CAMK4: variants seen among roughly 807,000 people sequenced by gnomAD.
CAMK4 encodes the protein calcium/calmodulin-dependent protein kinase type IV.
In CAMK4, 22 loss-of-function variants were observed where a neutral mutation model predicts 44.9. The observed-to-expected ratio is 0.49, with a 90% CI of 0.35 to 0.70. The LOEUF (loss-of-function observed/expected upper bound fraction) is 0.70. Ranked by LOEUF, CAMK4 falls within the 30% of genes least tolerant of loss-of-function variation. CAMK4 has a pLI of 0.01. For missense variants in CAMK4, 498 were observed against 586.8 expected (o/e 0.85, Z 1.56); for synonymous variants, 218 against 215.4 (o/e 1.01, Z -0.11).
chr5:111,380,246 A>G (rs1751362954), intron 4 of CAMK4, among the ~76,000 whole-genome samples: 1 of 152,130 alleles, frequency 6.6e-6, no homozygotes, highest in South Asian at 2.1e-4. Context: ...TTTTTGTCAG[A>G]TAACTCCAGT....
chr5:111,494,447 T>A lies in CAMK4; in HGVS notation c.*9981T>A, dbSNP rs1433653962. 1 of 152,134 alleles carries A rather than the reference T, an allele frequency of 6.6e-6. No homozygotes were observed. Among genetic ancestry groups the A allele is most frequent in the Non-Finnish European group, 1.5e-5 (1 of 68,022 alleles). The allele number at this position is 152,134 out of a possible 1,614,324, so 9.4% of individuals were successfully genotyped here. ...ACAGAAAATGTTTGTAGAGAATTCA[T>A]CAAAATCATGCCCATTTGCTGTTGT... On this transcript the variant is annotated 3_prime_UTR_variant, in exon 11 of 11. Coordinates refer to ENST00000282356, the MANE Select transcript of CAMK4 (RefSeq NM_001744.6).
chr5:111,398,324 G>T (rs1027822026), intron 5 of CAMK4, among the ~76,000 whole-genome samples: 1 of 152,182 alleles, frequency 6.6e-6, no homozygotes, highest in Admixed American at 6.5e-5. Context: ...GCTGTGGATG[G>T]GGTGTGAATT....
At chr5:111,225,022 GA>G (rs1748118927) in intron 1 of CAMK4, among the ~76,000 whole-genome samples, 1 of 152,190 alleles carries the variant, frequency 6.6e-6, no homozygotes, top group South Asian at 2.1e-4. Flanking sequence ...GTGGGGGCCG[GA>G]GGGTGCCCCT....
intron 1 of CAMK4, among the ~76,000 whole-genome samples, chr5:111,334,501 C>T (rs1749311791): frequency 1.3e-5 from 2 of 151,360 alleles, no homozygotes; most frequent in South Asian, 4.2e-4. Context: ...TTTTTAGGTT[C>T]CTGCTCTTTA....
chr5:111,437,542 G>A (rs1312586807), intron 5 of CAMK4, among the ~76,000 whole-genome samples: 1 of 152,164 alleles, frequency 6.6e-6, no homozygotes, highest in Non-Finnish European at 1.5e-5. Context: ...CATACATGCT[G>A]TAAAGAAAAA....
chr5:111,435,891 G>T (rs1049286900), intron 5 of CAMK4, among the ~76,000 whole-genome samples: 10 of 152,084 alleles, frequency 6.6e-5, no homozygotes, highest in Non-Finnish European at 1.2e-4. Flanking sequence ...CTTCTCAGTT[G>T]CCTCACAACA....
At chr5:111,436,189 A>T (rs940835919) in intron 5 of CAMK4, among the ~76,000 whole-genome samples, 1 of 152,260 alleles carries the variant, frequency 6.6e-6, no homozygotes, top group Non-Finnish European at 1.5e-5. Context: ...AAAGTAATGT[A>T]GGCAAAATGA....
At position 111,390,468 on chromosome 5, in the gene CAMK4, T is replaced by C. The variant is rs182630549; in HGVS notation, c.387-4242T>C. ...CCAGCTACTTTGAGAACTTAAAACT[T>C]CTTGTCACAATATCTAAAGAAAACA... On this transcript the variant is annotated intron_variant, in intron 4 of 10. Coordinates refer to ENST00000282356, the MANE Select transcript of CAMK4 (RefSeq NM_001744.6). 1.8e-3 allele frequency among the ~76,000 whole-genome samples: 276 copies of C among 152,304 alleles called. 1 individual carries two copies. The highest frequency in any genetic ancestry group is 6.4e-3 in the African/African-American group (268 of 41,572).
intron 5 of CAMK4, among the ~76,000 whole-genome samples, chr5:111,423,846 A>G (rs889383192): frequency 6.6e-6 from 1 of 152,196 alleles, no homozygotes; most frequent in Non-Finnish European, 1.5e-5. Flanking sequence ...CTTATTAAGC[A>G]CCTACTGTGG....
intron 1 of CAMK4, among the ~76,000 whole-genome samples, chr5:111,334,585 C>G (rs560801183): frequency 9.3e-4 from 141 of 151,534 alleles, no homozygotes; most frequent in African/African-American, 3.2e-3. Context: ...ATTCATATAA[C>G]CTAAAAGTCA....
intron 5 of CAMK4, among the ~76,000 whole-genome samples, chr5:111,417,571 G>A (rs933136539): frequency 6.6e-6 from 1 of 151,956 alleles, no homozygotes; most frequent in Non-Finnish European, 1.5e-5. Context: ...GTTGCCCAGG[G>A]TGATCTCAAA....
intron 5 of CAMK4, among the ~76,000 whole-genome samples, chr5:111,422,540 G>A (rs769533509): frequency 3.3e-5 from 5 of 152,132 alleles, no homozygotes; most frequent in Admixed American, 3.3e-4. Flanking sequence ...GTCTCATTCT[G>A]TACAAACGTC....
intron 3 of CAMK4, among the ~76,000 whole-genome samples, chr5:111,376,086 A>G (rs1751202104): frequency 1.3e-5 from 2 of 152,046 alleles, no homozygotes; most frequent in Non-Finnish European, 2.9e-5. Context: ...TGAACAAATC[A>G]GAGTTCTGTT....
At chr5:111,317,194 A>G (rs1164315851) in intron 1 of CAMK4, among the ~76,000 whole-genome samples, 1 of 152,194 alleles carries the variant, frequency 6.6e-6, no homozygotes, top group Non-Finnish European at 1.5e-5. Context: ...CTTCCCAGAA[A>G]TTATAGGTCA....
At chr5:111,468,975 C>A (rs371891124) in intron 7 of CAMK4, among the ~76,000 whole-genome samples, 1 of 148,982 alleles carries the variant, frequency 6.7e-6, no homozygotes, top group African/African-American at 2.5e-5. Flanking sequence ...GAGATTCTGT[C>A]CCAACAACAA....
intron 1 of CAMK4, among the ~76,000 whole-genome samples, chr5:111,249,644 A>ATGTG (rs1206514541): frequency 8.9e-6 from 1 of 112,060 alleles, no homozygotes; most frequent in African/African-American, 2.7e-5. Context: ...ATATATATAT[A>ATGTG]TGTGTGTGTG....
At chr5:111,237,970 T>C (rs1201871439) in intron 1 of CAMK4, among the ~76,000 whole-genome samples, 1 of 152,240 alleles carries the variant, frequency 6.6e-6, no homozygotes, top group Non-Finnish European at 1.5e-5. Flanking sequence ...ACATTCCTGA[T>C]GTTTATGCAC....
chr5:111,284,299 T>G (rs1751144484), intron 1 of CAMK4, among the ~76,000 whole-genome samples: 2 of 152,254 alleles, frequency 1.3e-5, no homozygotes, highest in African/African-American at 4.8e-5. Context: ...CATTAATATA[T>G]TCAATCAAAA....
chr5:111,439,848 C>T (rs1291812001), intron 5 of CAMK4, among the ~76,000 whole-genome samples: 1 of 152,130 alleles, frequency 6.6e-6, no homozygotes, highest in Non-Finnish European at 1.5e-5. Context: ...CTGCTGATGC[C>T]AGGAACACTG....
Sources: gnomAD v4.1 joint callset for allele counts (sites outside exome capture counted in the v4.1 genomes callset) on GRCh38, gnomAD v4.1.1 for gene constraint, MANE v1.5 for transcripts, NCBI Gene and HGNC (gene_info 2026-07-23, HGNC 2026-07-21) for gene names.